BRINP2: variants seen among roughly 807,000 people sequenced by gnomAD.
BRINP2 encodes the protein BMP/retinoic acid inducible neural specific 2, also known as BMP/retinoic acid-inducible neural-specific protein 2.
BRINP2 carries 21 observed loss-of-function variants against 69.2 expected under a neutral mutation model. The observed-to-expected ratio is 0.30, with a 90% CI of 0.22 to 0.44. The LOEUF (loss-of-function observed/expected upper bound fraction) is 0.44. Ranked by LOEUF, BRINP2 falls within the 20% of genes least tolerant of loss-of-function variation. The probability of loss-of-function intolerance (pLI) is 1.00; values close to 1 mark genes in which losing one functional copy is unlikely to be tolerated. For synonymous variants in BRINP2, 380 were observed against 394.1 expected (o/e 0.96, Z 0.42); for missense variants, 877 against 986.0 (o/e 0.89, Z 1.48).
chr1:177,280,370 A>C, intron 7 of BRINP2, 42 bp from the exon 8 acceptor site: 1 of 1,537,236 alleles, frequency 6.5e-7, no homozygotes, highest in Non-Finnish European at 8.8e-7. Context: ...TCAGTGTGTG[A>C]CTTCTTTTGA....
chr1:177,202,275 T>C (rs1648936641), intron 1 of BRINP2, among the ~76,000 whole-genome samples: 1 of 152,344 alleles, frequency 6.6e-6, no homozygotes, highest in African/African-American at 2.4e-5. Flanking sequence ...GCTTCTCTAG[T>C]TCTTTTAATT....
chr1:177,204,072 G>T (rs764038434), intron 1 of BRINP2, among the ~76,000 whole-genome samples: 3 of 152,178 alleles, frequency 2.0e-5, no homozygotes, highest in Non-Finnish European at 4.4e-5. Flanking sequence ...AACATTTGGG[G>T]ATACAGACAT....
intron 1 of BRINP2, among the ~76,000 whole-genome samples, chr1:177,199,536 G>T (rs1262208565): frequency 6.6e-6 from 1 of 152,164 alleles, no homozygotes; most frequent in Non-Finnish European, 1.5e-5. Context: ...ATCTGATCTA[G>T]ATTTCCTTTG....
intron 1 of BRINP2, among the ~76,000 whole-genome samples, chr1:177,173,538 G>T (rs1003094469): frequency 4.6e-5 from 7 of 152,176 alleles, no homozygotes; most frequent in Admixed American, 3.9e-4. Context: ...AAGAAAGGAG[G>T]TGAGGAGAAA....
At chr1:177,279,138 C>G (rs962909555) in intron 7 of BRINP2, among the ~76,000 whole-genome samples, 6 of 152,178 alleles carry the variant, frequency 3.9e-5, no homozygotes, top group Non-Finnish European at 8.8e-5. Context: ...AACACACACA[C>G]TGGCTTGTGT....
intron 1 of BRINP2, among the ~76,000 whole-genome samples, chr1:177,188,874 C>G (rs544830066): frequency 6.6e-6 from 1 of 152,230 alleles, no homozygotes; most frequent in Admixed American, 6.5e-5. Context: ...GAAGCAGAAA[C>G]TGCAGTGTAT....
Position 177,229,681 on chromosome 1 carries a change from C to T in BRINP2, c.-76-120C>T, listed in dbSNP as rs563485004. 87 of 657,376 alleles carry T rather than the reference C, an allele frequency of 1.3e-4. 1 individual carries two copies. Among genetic ancestry groups the T allele is most frequent in the Admixed American group, 9.5e-4 (24 of 25,346 alleles). 40.7% of individuals were successfully genotyped at this position (657,376 alleles called of 1,614,324 possible). A position where few individuals can be genotyped will look rare whatever the true frequency, so the allele number is the denominator to read the frequency against. On this transcript the variant is annotated intron_variant, in intron 1 of 7. Coordinates refer to ENST00000361539, the MANE Select transcript of BRINP2 (RefSeq NM_021165.4). Reference sequence around the variant, plus strand: ...CAAGCACTTAGCTAAATGCCGAGAACGAAGTTATGTTACTAGCATAAAGGA... The same window carrying T: ...CAAGCACTTAGCTAAATGCCGAGAATGAAGTTATGTTACTAGCATAAAGGA...
At chr1:177,223,550 A>G (rs1173182612) in intron 1 of BRINP2, among the ~76,000 whole-genome samples, 1 of 152,194 alleles carries the variant, frequency 6.6e-6, no homozygotes, top group Non-Finnish European at 1.5e-5. Flanking sequence ...GAGCTGAGTT[A>G]TAGGTCTCAG....
intron 4 of BRINP2, among the ~76,000 whole-genome samples, chr1:177,259,070 C>T (rs746941893): frequency 3.3e-5 from 5 of 152,102 alleles, no homozygotes; most frequent in African/African-American, 7.2e-5. Context: ...AAACCTAGGC[C>T]GCTTGCAACA....
At chr1:177,243,481 A>G (rs563873960) in intron 2 of BRINP2, among the ~76,000 whole-genome samples, 23 of 152,270 alleles carry the variant, frequency 1.5e-4, no homozygotes, top group African/African-American at 4.8e-4. Context: ...AAGAAGGGAG[A>G]CCACATACAG....
intron 1 of BRINP2, among the ~76,000 whole-genome samples, chr1:177,218,845 G>C (rs984586425): frequency 6.6e-6 from 1 of 152,144 alleles, no homozygotes; most frequent in Non-Finnish European, 1.5e-5. Context: ...TTTTCACCAA[G>C]GTGTTTTTGA....
intron 2 of BRINP2, among the ~76,000 whole-genome samples, chr1:177,254,496 C>T (rs1175567291): frequency 6.6e-6 from 1 of 151,924 alleles, no homozygotes; most frequent in Non-Finnish European, 1.5e-5. Context: ...TTTTAATATT[C>T]TGTAAGATGA....
chr1:177,261,744 G>A (rs1650961203), intron 4 of BRINP2, among the ~76,000 whole-genome samples: 2 of 152,204 alleles, frequency 1.3e-5, no homozygotes, highest in Non-Finnish European at 2.9e-5. Flanking sequence ...CTCAAGGAGT[G>A]AGTGCAACTA....
chr1:177,219,861 C>A (rs535286421), intron 1 of BRINP2, among the ~76,000 whole-genome samples: 10 of 152,306 alleles, frequency 6.6e-5, no homozygotes, highest in Non-Finnish European at 2.9e-5. Context: ...CTTAAACCAC[C>A]CTATGTATAT....
At chr1:177,238,445 C>T (rs1650097951) in intron 2 of BRINP2, among the ~76,000 whole-genome samples, 1 of 152,210 alleles carries the variant, frequency 6.6e-6, no homozygotes, top group African/African-American at 2.4e-5. Flanking sequence ...AGTGAAGCAA[C>T]TAGAGAAGCC....
rs374721269 is a variant in BRINP2 at position 177,195,453 on chromosome 1, C to G, written c.-77+23721C>G. ...AGGCAGACACGCTAAGGACAAAGCA[C>G]GAGTCCAGCGCCCTGCCTTTCCTTT... On this transcript the variant is annotated intron_variant, in intron 1 of 7. Transcript: ENST00000361539. 4.0e-5 allele frequency among the ~76,000 whole-genome samples: 6 copies of G among 151,082 alleles called. No homozygotes were observed. In the East Asian group the frequency reaches 7.8e-4, roughly 20 times the overall value.
chr1:177,182,797 G>A (rs1341386133), intron 1 of BRINP2, among the ~76,000 whole-genome samples: 1 of 152,140 alleles, frequency 6.6e-6, no homozygotes, highest in African/African-American at 2.4e-5. Flanking sequence ...ATTAGCCTCA[G>A]GATGCACATC....
chr1:177,205,139 C>T lies in BRINP2; in HGVS notation c.-76-24662C>T, dbSNP rs181325974. Reference sequence around the variant, plus strand: ...AATAGCACTTCTTTCTTCACCTATACTTTTTTTGTTTGTGTTTTTTTGAGA... The same window carrying T: ...AATAGCACTTCTTTCTTCACCTATATTTTTTTTGTTTGTGTTTTTTTGAGA... On this transcript the variant is annotated intron_variant, in intron 1 of 7. Coordinates refer to ENST00000361539, the MANE Select transcript of BRINP2 (RefSeq NM_021165.4). Among the ~76,000 whole-genome samples, 2 of 151,976 alleles carry T rather than the reference C, an allele frequency of 1.3e-5. 1 individual carries two copies. The highest frequency in any genetic ancestry group is 4.2e-4 in the South Asian group (2 of 4,810).
chr1:177,183,382 G>A (rs1648325099), intron 1 of BRINP2, among the ~76,000 whole-genome samples: 1 of 152,134 alleles, frequency 6.6e-6, no homozygotes, highest in African/African-American at 2.4e-5. Context: ...CATGCCATAT[G>A]CATATAGAGT....
Sources: allele counts gnomAD v4.1 joint callset (sites outside exome capture counted in the v4.1 genomes callset), GRCh38; gene constraint gnomAD v4.1.1; transcripts MANE v1.5; gene names NCBI Gene and HGNC (gene_info 2026-07-23, HGNC 2026-07-21).